Variants in THUMPD2 observed in about 807,000 individuals in gnomAD.
The protein encoded by THUMPD2 is THUMP domain 2 tRNA and snRNA guanosine methyltransferase.
THUMPD2 carries 56 observed loss-of-function variants against 49.4 expected under a neutral mutation model. That is an observed-to-expected ratio of 1.13 (90% CI 0.91 to 1.41). THUMPD2 has a LOEUF of 1.41. THUMPD2 is among the 40% of genes most tolerant of loss of function. THUMPD2 has a pLI of 0.00. For synonymous variants in THUMPD2, 237 were observed against 205.2 expected (o/e 1.15, Z -1.32); for missense variants, 709 against 594.5 (o/e 1.19, Z -2.00).
At chr2:39,768,775 G>T in intron 3 of THUMPD2, 1 of 779,276 alleles carries the variant, frequency 1.3e-6, no homozygotes, top group South Asian at 1.7e-5. Flanking sequence ...GAAATAACTA[G>T]ATTATGACCT....
chr2:39,736,939 A>G lies in THUMPD2; in HGVS notation c.1308T>C (p.Pro436=). Residue 436 remains proline (P), a synonymous_variant, in exon 10 of 10, where the codon CCT becomes CCC. Transcript: ENST00000505747. The part of the protein sequence containing the change: ...FNSKDSHTDE[P]GIKKCLNPEE... ...CAGGATTCAAGCACTTTTTAATTCC[A>G]GGTTCATCTGTGTGACTGTCCTTGG... 1.2e-6 allele frequency: 2 copies of G among 1,614,096 alleles called. No homozygotes were observed. The highest frequency in any genetic ancestry group is 1.7e-6 in the Non-Finnish European group (2 of 1,180,006).
chr2:39,779,083 C>A, intron 1 of THUMPD2, 31 bp downstream of exon 1: 1 of 1,488,206 alleles, frequency 6.7e-7, no homozygotes, highest in Admixed American at 2.2e-5. Flanking sequence ...GGGCCGCCCA[C>A]CTCCCCAGGC....
chr2:39,761,052 G>T (rs1417362982), intron 6 of THUMPD2, among the ~76,000 whole-genome samples: 1 of 152,020 alleles, frequency 6.6e-6, no homozygotes, highest in African/African-American at 2.4e-5. Flanking sequence ...AGGTTTTACA[G>T]GCCACATTTT....
Position 39,768,420 on chromosome 2 carries a change from T to C in THUMPD2, c.750+4A>G, listed in dbSNP as rs1677844015. 3 of 1,606,380 alleles carry C rather than the reference T, an allele frequency of 1.9e-6. No individual in the cohort carries two copies. The highest frequency in any genetic ancestry group is 2.6e-6 in the Non-Finnish European group (3 of 1,174,804). On this transcript the variant is annotated splice_donor_region_variant and intron_variant, in intron 4 of 9. Transcript: ENST00000505747. ...GTATATAAAATAAAACAAATACTCA[T>C]TACCTCTAATTGTGGATTCCTCAAG...
In THUMPD2 at chr2:39,736,232, C is replaced by CTGTT. The variant is rs1332035432; in HGVS notation, c.*499_*502dup. 6.6e-6 allele frequency: 1 copy of CTGTT among 152,470 alleles called. No individual in the cohort carries two copies. The highest frequency in any genetic ancestry group is 1.9e-4 in the East Asian group (1 of 5,202). 9.4% of individuals were successfully genotyped at this position (152,470 alleles called of 1,614,324 possible). On this transcript the variant is annotated 3_prime_UTR_variant, in exon 10 of 10. Coordinates refer to ENST00000505747, the MANE Select transcript of THUMPD2 (RefSeq NM_025264.5). The stretch of plus-strand genomic sequence containing the variant: ...TGGCTTAATTCAGTTATTATTCTCA[C>CTGTT]TGTTGGTTTACATAATAAACATATA...
At chr2:39,766,158 C>T (rs752401251) in intron 4 of THUMPD2, 49 bp from the exon 5 acceptor site, 2 of 1,333,310 alleles carry the variant, frequency 1.5e-6, no homozygotes, top group Non-Finnish European at 2.0e-6. Flanking sequence ...ACTTCATTAC[C>T]AAATTACTGA....
At position 39,771,488 on chromosome 2, in the gene THUMPD2, A is replaced by G; in HGVS notation, c.262+17T>C. 9 of 1,580,702 alleles carry G rather than the reference A, an allele frequency of 5.7e-6. No individual in the cohort carries two copies. The highest frequency in any genetic ancestry group is 1.4e-5 in the African/African-American group (1 of 72,684). ...TATCATGTGGGTAAAAGCAACATGC[A>G]TATGAATATGCCATACCTTTACTTA... is the stretch of plus-strand genomic sequence containing the variant. On this transcript the variant is annotated intron_variant, in intron 2 of 9. Transcript: ENST00000505747.
chr2:39,737,146 T>G, intron 9 of THUMPD2, 87 bp from the exon 10 acceptor site: 1 of 1,238,758 alleles, frequency 8.1e-7, no homozygotes, highest in Non-Finnish European at 1.1e-6. Flanking sequence ...TTCATGTTTT[T>G]AATTTGAAAT....
chr2:39,749,075 A>G (rs759985762), intron 8 of THUMPD2, among the ~76,000 whole-genome samples: 2 of 152,180 alleles, frequency 1.3e-5, no homozygotes, highest in Non-Finnish European at 2.9e-5. Flanking sequence ...TATGAATTAT[A>G]TGGGTATAAC....
At chr2:39,750,355 T>C (rs1675230024) in intron 8 of THUMPD2, among the ~76,000 whole-genome samples, 1 of 152,234 alleles carries the variant, frequency 6.6e-6, no homozygotes, top group African/African-American at 2.4e-5. Flanking sequence ...ATCAGTGATG[T>C]TGAGCTTTTC....
Position 39,751,292 on chromosome 2 carries a change from G to A in THUMPD2, c.1078+4003C>T, listed in dbSNP as rs192879551. Among the ~76,000 whole-genome samples the A allele has an allele frequency of 2.5e-3, 376 of 152,322 alleles. 3 individuals are homozygous for A. Among genetic ancestry groups the A allele is most frequent in the African/African-American group, 8.7e-3 (360 of 41,560 alleles). On this transcript the variant is annotated intron_variant, in intron 8 of 9. Coordinates refer to ENST00000505747, the MANE Select transcript of THUMPD2 (RefSeq NM_025264.5). ...AACACCTTATTATGCGGTGCTTATG[G>A]GTGTCCTGAAAAAAGCATGCCATCT...
At chr2:39,738,638 A>AATGC (rs1558482023) in intron 9 of THUMPD2, among the ~76,000 whole-genome samples, 1 of 81,430 alleles carries the variant, frequency 1.2e-5, no homozygotes, top group Non-Finnish European at 2.1e-5. Context: ...TTTACATATA[A>AATGC]ATACATAATT....
intron 1 of THUMPD2, among the ~76,000 whole-genome samples, chr2:39,773,619 A>ATC (rs949404441): frequency 3.4e-5 from 2 of 58,218 alleles, no homozygotes; most frequent in Non-Finnish European, 3.1e-5. Flanking sequence ...ATATATATAT[A>ATC]TTTATATTTT....
chr2:39,757,323 A>T (rs959402253), intron 6 of THUMPD2: 2 of 1,117,132 alleles, frequency 1.8e-6, no homozygotes, highest in Non-Finnish European at 2.4e-6. Context: ...CAGAGGAAGC[A>T]GAGTCCTCAG....
chr2:39,761,431 G>A lies in THUMPD2; in HGVS notation c.804-13C>T, dbSNP rs771610213. On this transcript the variant is annotated splice_polypyrimidine_tract_variant and intron_variant, in intron 5 of 9. Transcript: ENST00000505747. ...GGCTAGGGAAACCCTACAAAGGATA[G>A]AATCTGATTATATATTATTACACAT... 6 of 1,609,852 alleles carry A rather than the reference G, an allele frequency of 3.7e-6. No individual in the cohort carries two copies. The highest frequency in any genetic ancestry group is 5.1e-6 in the Non-Finnish European group (6 of 1,176,556).
chr2:39,778,590 A>G (rs953368040), intron 1 of THUMPD2, among the ~76,000 whole-genome samples: 3 of 152,254 alleles, frequency 2.0e-5, no homozygotes, highest in Admixed American at 6.5e-5. Flanking sequence ...ACAGAAATCA[A>G]TAACAGATAA....
intron 8 of THUMPD2, among the ~76,000 whole-genome samples, chr2:39,750,484 A>G (rs2148228686): frequency 6.6e-6 from 1 of 152,198 alleles, no homozygotes; most frequent in East Asian, 1.9e-4. Flanking sequence ...AGGCGGGTGG[A>G]TTGCCTGAGC....
intron 8 of THUMPD2, among the ~76,000 whole-genome samples, chr2:39,750,444 T>G (rs778874107): frequency 6.6e-6 from 1 of 152,148 alleles, no homozygotes; most frequent in Non-Finnish European, 1.5e-5. Context: ...TTTAATGGGG[T>G]TGTTTTTTTC....
intron 8 of THUMPD2, among the ~76,000 whole-genome samples, chr2:39,753,762 C>A (rs1275347211): frequency 6.6e-6 from 1 of 152,196 alleles, no homozygotes; most frequent in Non-Finnish European, 1.5e-5. Context: ...AGATGTATAT[C>A]TGACCTTCTC....
Sources: gnomAD v4.1 joint callset for allele counts (sites outside exome capture counted in the v4.1 genomes callset) on GRCh38, gnomAD v4.1.1 for gene constraint, MANE v1.5 for transcripts, NCBI Gene and HGNC (gene_info 2026-07-23, HGNC 2026-07-21) for gene names.